Variants in MAMDC2 observed in about 807,000 individuals in gnomAD.
The protein encoded by MAMDC2 is MAM domain containing 2, also known as MAM domain-containing protein 2.
MAMDC2 carries 57 observed loss-of-function variants against 89.8 expected under a neutral mutation model. The observed-to-expected ratio is 0.63, with a 90% confidence interval of 0.51 to 0.79. MAMDC2 has a LOEUF of 0.79. Among genes scored for constraint, MAMDC2 ranks in the 30% least tolerant of loss-of-function variants. The probability of loss-of-function intolerance (pLI) is 0.00; values close to 1 mark genes in which losing one functional copy is unlikely to be tolerated. For synonymous variants in MAMDC2, 313 were observed against 293.4 expected, an observed-to-expected ratio of 1.07 and a Z score of -0.68; for missense variants, 800 against 820.6, an observed-to-expected ratio of 0.97 and a Z score of 0.31.
intron 9 of MAMDC2, among the ~76,000 whole-genome samples, chr9:70,161,874 G>T (rs186438684): frequency 2.6e-5 from 4 of 152,288 alleles, no homozygotes. Context: ...AAATTTATCT[G>T]TGCAAATGAT....
intron 2 of MAMDC2, among the ~76,000 whole-genome samples, chr9:70,098,457 C>A (rs1828082536): frequency 6.6e-6 from 1 of 152,138 alleles, no homozygotes; most frequent in South Asian, 2.1e-4. Flanking sequence ...CACTATAGAT[C>A]AATTGTAAGA....
intron 11 of MAMDC2, among the ~76,000 whole-genome samples, chr9:70,192,949 G>A (rs2032911579): frequency 6.6e-6 from 1 of 151,538 alleles, no homozygotes; most frequent in Non-Finnish European, 1.5e-5. Context: ...GACAGGCATG[G>A]TGATTAGACA....
At chr9:70,058,402 G>T (rs978396656) in intron 2 of MAMDC2, among the ~76,000 whole-genome samples, 1 of 151,998 alleles carries the variant, frequency 6.6e-6, no homozygotes, top group Non-Finnish European at 1.5e-5. Flanking sequence ...CTTGACATGG[G>T]GTCTCAAAGG....
At chr9:70,150,198 C>T (rs1158336663) in intron 9 of MAMDC2, among the ~76,000 whole-genome samples, 1 of 152,156 alleles carries the variant, frequency 6.6e-6, no homozygotes, top group Non-Finnish European at 1.5e-5. Context: ...TGGTTTCTGT[C>T]CACAGAGAGT....
chr9:70,157,104 C>T (rs12350159), intron 9 of MAMDC2, among the ~76,000 whole-genome samples: 1 of 152,202 alleles, frequency 6.6e-6, no homozygotes, highest in East Asian at 1.9e-4. Context: ...CTTAATTAGG[C>T]AAACATTTAT....
At chr9:70,112,471 G>C (rs1294729896) in intron 4 of MAMDC2, among the ~76,000 whole-genome samples, 2 of 152,124 alleles carry the variant, frequency 1.3e-5, no homozygotes, top group African/African-American at 4.8e-5. Context: ...TCAGCTCTGG[G>C]CAACTTGTTC....
At chr9:70,120,766 G>A (rs773056374) in intron 5 of MAMDC2, among the ~76,000 whole-genome samples, 14 of 152,162 alleles carry the variant, frequency 9.2e-5, no homozygotes, top group Non-Finnish European at 1.6e-4. Context: ...TCATGCTTAC[G>A]TCATCCTTGA....
intron 9 of MAMDC2, chr9:70,157,738 C>G (rs1327873570): frequency 6.6e-6 from 1 of 152,116 alleles, no homozygotes; most frequent in East Asian, 1.9e-4. Flanking sequence ...GCCACATAAA[C>G]AAATCTGAAA....
chr9:70,205,275 CTTT>C (rs925966955), intron 11 of MAMDC2, among the ~76,000 whole-genome samples: 5 of 151,992 alleles, frequency 3.3e-5, no homozygotes, highest in East Asian at 1.9e-4. Context: ...ATCTCCAGAG[CTTT>C]TTTTTCATTT....
chr9:70,212,048 G>A (rs1316663329), intron 11 of MAMDC2, among the ~76,000 whole-genome samples: 1 of 152,224 alleles, frequency 6.6e-6, no homozygotes, highest in African/African-American at 2.4e-5. Context: ...ACTGGGAGGT[G>A]TCTCCCAGTT....
intron 2 of MAMDC2, among the ~76,000 whole-genome samples, chr9:70,082,323 G>A (rs1827671949): frequency 6.6e-6 from 1 of 152,134 alleles, no homozygotes; most frequent in African/African-American, 2.4e-5. Flanking sequence ...GTGGGTAACA[G>A]CCCTTATGTA....
chr9:70,045,704 C>CA (rs1233359292), intron 2 of MAMDC2, among the ~76,000 whole-genome samples: 1 of 152,184 alleles, frequency 6.6e-6, no homozygotes, highest in East Asian at 1.9e-4. Flanking sequence ...CAGGGTTCTG[C>CA]ATACATTAGC....
intron 2 of MAMDC2, chr9:70,086,367 C>G (rs1587457251): frequency 1.3e-5 from 2 of 152,238 alleles, no homozygotes; most frequent in Middle Eastern, 6.8e-3. Flanking sequence ...GGATATACAT[C>G]AGGTGTTGTG....
intron 2 of MAMDC2, among the ~76,000 whole-genome samples, chr9:70,107,264 T>C (rs1216201124): frequency 6.6e-6 from 1 of 152,148 alleles, no homozygotes; most frequent in Non-Finnish European, 1.5e-5. Context: ...CCACCAACTT[T>C]TATAGAAATG....
rs576462201 is a variant in MAMDC2, at chr9:70,210,801, C to T, written c.1652-7536C>T. 3.6e-4 allele frequency among the ~76,000 whole-genome samples: 14 copies of T among 39,238 alleles called. 1 individual carries two copies. Among genetic ancestry groups the T allele is most frequent in the Admixed American group, 6.3e-4 (2 of 3,162 alleles). The allele number at this position is 39,238 out of a possible 152,430, so 25.7% of individuals were successfully genotyped here. A position where few individuals can be genotyped will look rare whatever the true frequency, so the allele number is the denominator to read the frequency against. ...TCCTTTTCATGTTTAGTGCTTCCTT[C>T]GGGAGCTCTGTAAGACAGGCCTGGT... On this transcript the variant is annotated intron_variant, in intron 11 of 13. Transcript: ENST00000377182.
intron 11 of MAMDC2, among the ~76,000 whole-genome samples, chr9:70,214,955 A>T (rs1033176535): frequency 1.3e-5 from 2 of 152,228 alleles, no homozygotes; most frequent in African/African-American, 4.8e-5. Flanking sequence ...GATGTCCATT[A>T]GACAGTTTGA....
At chr9:70,213,201 A>T (rs2033388602) in intron 11 of MAMDC2, among the ~76,000 whole-genome samples, 2 of 152,186 alleles carry the variant, frequency 1.3e-5, no homozygotes, top group African/African-American at 2.4e-5. Flanking sequence ...TCTCATGATG[A>T]ATTCATTACT....
intron 9 of MAMDC2, among the ~76,000 whole-genome samples, chr9:70,145,348 C>T (rs887445246): frequency 6.6e-6 from 1 of 152,138 alleles, no homozygotes; most frequent in African/African-American, 2.4e-5. Flanking sequence ...ATTGCCTAGA[C>T]AATATCAAAT....
chr9:70,103,616 A>T (rs980347155), intron 2 of MAMDC2, among the ~76,000 whole-genome samples: 19 of 152,172 alleles, frequency 1.2e-4, no homozygotes, highest in African/African-American at 4.3e-4. Flanking sequence ...GGCAGAAAAA[A>T]AAAAACTAAA....
Sources: gnomAD v4.1 joint callset for allele counts (sites outside exome capture counted in the v4.1 genomes callset) on GRCh38, gnomAD v4.1.1 for gene constraint, MANE v1.5 for transcripts, NCBI Gene and HGNC (gene_info 2026-07-23, HGNC 2026-07-21) for gene names.